AGAP4: variants seen among roughly 807,000 people sequenced by gnomAD.
AGAP4 encodes the protein ArfGAP with GTPase domain, ankyrin repeat and PH domain 4.
In AGAP4, 13 loss-of-function variants were observed where a neutral mutation model predicts 60.7. The observed-to-expected ratio is 0.21, with a 90% CI of 0.14 to 0.34. The LOEUF is 0.34. Ranked by LOEUF, AGAP4 falls within the 10% of genes least tolerant of loss-of-function variation. AGAP4 has a pLI of 1.00. For synonymous variants in AGAP4, 70 were observed against 339.0 expected (o/e 0.21, Z 8.72); for missense variants, 169 against 884.0 (o/e 0.19, Z 10.26).
chr10:45,833,008 A>T lies in AGAP4; in HGVS notation c.497+1008T>A, dbSNP rs1193867893. On this transcript the variant is annotated intron_variant, in intron 5 of 7. Transcript: ENST00000616763. Reference sequence around the variant, plus strand: ...TTGTTTCAGCAAAATTAATCTTCAAAGCTGCTTTTGAATTATATGCTAACA... The same window carrying T: ...TTGTTTCAGCAAAATTAATCTTCAATGCTGCTTTTGAATTATATGCTAACA... Among the ~76,000 whole-genome samples, 5 of 149,494 alleles carry T rather than the reference A, an allele frequency of 3.3e-5. No homozygotes were observed. The East Asian group carries it at 1.0e-3, about 30-fold the overall frequency.
upstream of AGAP4, among the ~76,000 whole-genome samples, chr10:45,852,395 T>A (rs1214440713): frequency 2.2e-5 from 3 of 136,404 alleles, no homozygotes; most frequent in Admixed American, 2.2e-4. Flanking sequence ...ATCAAGGAGT[T>A]CAATTATAAA....
upstream of AGAP4, among the ~76,000 whole-genome samples, chr10:45,850,933 T>C (rs2059076155): frequency 6.6e-6 from 1 of 152,128 alleles, no homozygotes; most frequent in Non-Finnish European, 1.5e-5. Flanking sequence ...TTTTCAAAAA[T>C]AACATACATA....
chr10:45,827,819 G>C (rs1223004996), intron 7 of AGAP4, among the ~76,000 whole-genome samples: 4 of 62,118 alleles, frequency 6.4e-5, no homozygotes, highest in Non-Finnish European at 1.4e-4. Context: ...TACATTTTCT[G>C]TTGTTTGGAT....
At chr10:45,834,674 CAAAAA>C (rs1174820110) in intron 4 of AGAP4, among the ~76,000 whole-genome samples, 82 of 15,224 alleles carry the variant, frequency 5.4e-3, no homozygotes, top group Non-Finnish European at 6.4e-3. Flanking sequence ...GACTCCGCCT[CAAAAA>C]AAAAAAAAAA....
At chr10:45,846,849 A>G in intron 1 of AGAP4, 94 bp from the exon 2 acceptor site, 1 of 635,386 alleles carries the variant, frequency 1.6e-6, no homozygotes, top group South Asian at 2.0e-5. Flanking sequence ...GACAAGAGCC[A>G]TAAATAAATG....
upstream of AGAP4, among the ~76,000 whole-genome samples, chr10:45,852,232 A>AACAAACAAAC (rs1554900514): frequency 0.013 from 1,859 of 143,698 alleles, 61 homozygotes; most frequent in African/African-American, 0.045. Context: ...AAAAAAAAAA[A>AACAAACAAAC]AAAAAAAAAA....
chr10:45,834,853 A>G (rs1257109443), intron 4 of AGAP4, among the ~76,000 whole-genome samples: 4 of 145,862 alleles, frequency 2.7e-5, no homozygotes, highest in African/African-American at 8.2e-5. Context: ...GGCTCACTGC[A>G]AGCTCCGCCT....
At chr10:45,849,643 A>ATT (rs533771653), upstream of AGAP4, among the ~76,000 whole-genome samples, 19 of 140,090 alleles carry the variant, frequency 1.4e-4, no homozygotes, top group African/African-American at 1.8e-4. Flanking sequence ...GCTGAACACT[A>ATT]TTTTTTTTTT....
At chr10:45,851,119 G>T (rs2917177), upstream of AGAP4, among the ~76,000 whole-genome samples, 1 of 151,946 alleles carries the variant, frequency 6.6e-6, no homozygotes, top group Admixed American at 6.6e-5. Flanking sequence ...TTAAAATTCT[G>T]TTGTTCTCAG....
chr10:45,828,628 G>A (rs1188948576), intron 6 of AGAP4, among the ~76,000 whole-genome samples: 5 of 144,326 alleles, frequency 3.5e-5, no homozygotes, highest in Non-Finnish European at 6.1e-5. Context: ...AATGTGCTCT[G>A]TGGACCTCTC....
chr10:45,853,938 T>C, upstream of AGAP4: 1 of 1,171,948 alleles, frequency 8.5e-7, no homozygotes, highest in South Asian at 1.7e-5. Context: ...AGTTCATTCA[T>C]ATATGTTTAT....
At chr10:45,834,713 A>T (rs1183175246) in intron 4 of AGAP4, among the ~76,000 whole-genome samples, 1 of 131,344 alleles carries the variant, frequency 7.6e-6, no homozygotes, top group African/African-American at 3.3e-5. Context: ...AGTTTAAAAT[A>T]AGATTTCATT....
chr10:45,838,797 A>G (rs1160577827), intron 4 of AGAP4, among the ~76,000 whole-genome samples: 1 of 151,800 alleles, frequency 6.6e-6, no homozygotes, highest in African/African-American at 2.4e-5. Context: ...GCTAAAAATG[A>G]ACAAATCTTA....
chr10:45,847,622 G>A, upstream of AGAP4: 4 of 1,406,104 alleles, frequency 2.8e-6, no homozygotes, highest in South Asian at 3.0e-5. Flanking sequence ...AATAGGTTGT[G>A]AACCCAACAA....
In AGAP4 at chr10:45,828,390, A is replaced by G. The variant is rs1421641957; in HGVS notation, c.534-310T>C. Among the ~76,000 whole-genome samples the G allele has an allele frequency of 1.3e-3, 193 of 150,326 alleles. 2 individuals carry two copies. Among genetic ancestry groups the G allele is most frequent in the Middle Eastern group, 6.9e-3 (2 of 288 alleles). On this transcript the variant is annotated intron_variant, in intron 6 of 7. Transcript: ENST00000616763. ...TTCTAACCACACATTGAAACACAAG[A>G]ATGTTCTACAAAGCAGTTGTAGTAA...
At chr10:45,829,392 T>C (rs2058695726) in intron 6 of AGAP4, among the ~76,000 whole-genome samples, 1 of 147,888 alleles carries the variant, frequency 6.8e-6, no homozygotes, top group Non-Finnish European at 1.5e-5. Context: ...AATCACTTTT[T>C]TCACAGAACA....
In AGAP4 at chr10:45,831,536, A is replaced by G. The variant is rs1161611605; in HGVS notation, c.498-107T>C. 2.7e-5 allele frequency: 27 copies of G among 993,308 alleles called. 1 individual carries two copies. The highest frequency in any genetic ancestry group is 7.9e-5 in the African/African-American group (5 of 62,966). 61.5% of individuals were successfully genotyped at this position (993,308 alleles called of 1,614,324 possible). ...AACTCTCCTAGTGGCCCTGAAATTCAAATCTTCTAGTTCAGAACAGTACCA... is the reference window on the plus strand; with the variant it reads ...AACTCTCCTAGTGGCCCTGAAATTCGAATCTTCTAGTTCAGAACAGTACCA... On this transcript the variant is annotated intron_variant, in intron 5 of 7. Transcript: ENST00000616763.
intron 4 of AGAP4, among the ~76,000 whole-genome samples, chr10:45,834,906 TG>T: frequency 6.8e-6 from 1 of 146,408 alleles, no homozygotes; most frequent in Non-Finnish European, 1.5e-5. Flanking sequence ...CCTGAGTAGC[TG>T]GGACTACAGG....
intron 1 of AGAP4, among the ~76,000 whole-genome samples, chr10:45,853,167 G>C (rs1273831904): frequency 6.7e-6 from 1 of 149,686 alleles, no homozygotes; most frequent in Non-Finnish European, 1.5e-5. Flanking sequence ...ACAGTCAAGA[G>C]ATCAGGGTTG....
Sources: gnomAD v4.1 joint callset for allele counts (sites outside exome capture counted in the v4.1 genomes callset) on GRCh38, gnomAD v4.1.1 for gene constraint, MANE v1.5 for transcripts, NCBI Gene and HGNC (gene_info 2026-07-23, HGNC 2026-07-21) for gene names.